SOX6: variants seen among roughly 807,000 people sequenced by gnomAD.
The protein encoded by SOX6 is transcription factor SOX-6.
In SOX6, 11 loss-of-function variants were observed where a neutral mutation model predicts 97.8. That is an observed-to-expected ratio of 0.11 (90% CI 0.07 to 0.19). The LOEUF (loss-of-function observed/expected upper bound fraction) is 0.19, where lower values mean the gene tolerates loss of function less well. SOX6 is among the 10% of genes least tolerant of loss of function. SOX6 has a pLI of 1.00. For synonymous variants in SOX6, 360 were observed against 371.4 expected, an observed-to-expected ratio of 0.97 and a Z score of 0.35; for missense variants, 810 against 1,039.5, an observed-to-expected ratio of 0.78 and a Z score of 3.04.
intron 9 of SOX6, among the ~76,000 whole-genome samples, chr11:16,086,438 A>T (rs1848579964): frequency 6.6e-6 from 1 of 152,038 alleles, no homozygotes; most frequent in Non-Finnish European, 1.5e-5. Flanking sequence ...GTTCCCGCAG[A>T]CTCCTGGCCT....
chr11:16,432,362 T>C (rs933436747), intron 1 of SOX6, among the ~76,000 whole-genome samples: 2 of 152,150 alleles, frequency 1.3e-5, no homozygotes, highest in African/African-American at 4.8e-5. Flanking sequence ...AAAGTGTAAC[T>C]ATCTCTCTTT....
At chr11:16,110,227 A>G (rs1432595232) in intron 7 of SOX6, 4 of 152,178 alleles carry the variant, frequency 2.6e-5, no homozygotes, top group African/African-American at 9.6e-5. Flanking sequence ...AGTCAAATAG[A>G]TAATTTCCAC....
chr11:16,697,985 A>G (rs1447975514), intron 3 of SOX6, among the ~76,000 whole-genome samples: 3 of 152,226 alleles, frequency 2.0e-5, no homozygotes, highest in Non-Finnish European at 4.4e-5. Context: ...ATTTAGCATA[A>G]TTCTTAAGGG....
At chr11:16,222,300 A>G (rs1440309455) in intron 4 of SOX6, among the ~76,000 whole-genome samples, 1 of 152,006 alleles carries the variant, frequency 6.6e-6, no homozygotes, top group Non-Finnish European at 1.5e-5. Context: ...GTAGCCCTGA[A>G]CCCCTGGGCT....
At chr11:16,060,573 T>G (rs1847923921) in intron 9 of SOX6, among the ~76,000 whole-genome samples, 1 of 151,988 alleles carries the variant, frequency 6.6e-6, no homozygotes. Flanking sequence ...ATGATTTTAG[T>G]ATAAATATCA....
intron 3 of SOX6, among the ~76,000 whole-genome samples, chr11:16,630,181 G>C (rs1848685627): frequency 6.6e-6 from 1 of 151,968 alleles, no homozygotes; most frequent in African/African-American, 2.4e-5. Flanking sequence ...TATAATGTTA[G>C]ATCATTAATT....
intron 4 of SOX6, among the ~76,000 whole-genome samples, chr11:16,216,056 T>C (rs1280948174): frequency 6.6e-6 from 1 of 152,212 alleles, no homozygotes; most frequent in Admixed American, 6.5e-5. Flanking sequence ...AACAAAATTA[T>C]GTCATTGTTC....
chr11:15,974,026 C>T (rs1332218115), intron 15 of SOX6, among the ~76,000 whole-genome samples: 1 of 152,200 alleles, frequency 6.6e-6, no homozygotes, highest in Non-Finnish European at 1.5e-5. Context: ...AACTCAGAGA[C>T]TATGGCGAAA....
chr11:16,715,842 G>GA (rs1002910568), intron 2 of SOX6, among the ~76,000 whole-genome samples: 31 of 150,976 alleles, frequency 2.1e-4, no homozygotes, highest in East Asian at 5.8e-4. Flanking sequence ...TAGCAAAAAA[G>GA]AAAAAAAAAT....
At chr11:16,362,117 C>A (rs2134377821) in intron 1 of SOX6, among the ~76,000 whole-genome samples, 1 of 152,234 alleles carries the variant, frequency 6.6e-6, no homozygotes, top group Non-Finnish European at 1.5e-5. Context: ...AAACAAAGCC[C>A]CTTCCCTTGT....
At chr11:15,973,155 C>G in intron 15 of SOX6, 43 bp from the exon 16 acceptor site, 1 of 1,591,864 alleles carries the variant, frequency 6.3e-7, no homozygotes, top group Non-Finnish European at 8.6e-7. Context: ...GGAGAAATAT[C>G]TATATATGTG....
At chr11:16,292,191 A>G (rs1334330766) in intron 3 of SOX6, among the ~76,000 whole-genome samples, 1 of 152,148 alleles carries the variant, frequency 6.6e-6, no homozygotes, top group African/African-American at 2.4e-5. Flanking sequence ...TGTGGGGAAA[A>G]ACAAAGAAGA....
intron 13 of SOX6, among the ~76,000 whole-genome samples, chr11:15,994,814 T>C (rs1854174176): frequency 6.6e-6 from 1 of 152,080 alleles, no homozygotes; most frequent in South Asian, 2.1e-4. Context: ...ATCAGCCCTG[T>C]CCTCCAATAG....
chr11:16,356,229 A>G lies in SOX6; in HGVS notation c.-140T>C, dbSNP rs939774852. 2.5e-4 allele frequency among the ~76,000 whole-genome samples: 38 copies of G among 152,108 alleles called. 2 individuals carry two copies. Among genetic ancestry groups the G allele is most frequent in the African/African-American group, 8.9e-4 (37 of 41,536 alleles). On this transcript the variant is annotated 5_prime_UTR_variant, in exon 1 of 16. Coordinates refer to ENST00000683767, the MANE Select transcript of SOX6 (RefSeq NM_001367873.1). ...CCTCTGACTGCCAACCAAAAAAAAA[A>G]AAAACCCAACCCCACAGCTAATTAA... is the stretch of plus-strand genomic sequence containing the variant.
At chr11:16,236,534 G>A (rs1853029686) in intron 3 of SOX6, among the ~76,000 whole-genome samples, 1 of 151,850 alleles carries the variant, frequency 6.6e-6, no homozygotes, top group South Asian at 2.1e-4. Context: ...CCTTTCATAT[G>A]TTATATCAGT....
At chr11:15,999,608 A>G (rs1854337937) in intron 13 of SOX6, among the ~76,000 whole-genome samples, 1 of 152,100 alleles carries the variant, frequency 6.6e-6, no homozygotes, top group African/African-American at 2.4e-5. Flanking sequence ...CTTTTTTTTG[A>G]AAGGTTCTTT....
intron 4 of SOX6, among the ~76,000 whole-genome samples, chr11:16,571,578 G>T (rs1283577708): frequency 6.6e-6 from 1 of 152,080 alleles, no homozygotes; most frequent in Non-Finnish European, 1.5e-5. Context: ...CTACAAGCAT[G>T]CAACACTGTA....
At chr11:15,999,637 G>GTA in intron 13 of SOX6, among the ~76,000 whole-genome samples, 1 of 152,140 alleles carries the variant, frequency 6.6e-6, no homozygotes, top group Middle Eastern at 3.4e-3. Flanking sequence ...GACCTGAAAA[G>GTA]TAGGTGACAT....
At chr11:16,293,430 A>G (rs969957215) in intron 3 of SOX6, among the ~76,000 whole-genome samples, 1 of 152,172 alleles carries the variant, frequency 6.6e-6, no homozygotes, top group African/African-American at 2.4e-5. Context: ...TTATTAAACA[A>G]CTACTGTAAA....
Sources: gnomAD v4.1 joint callset for allele counts (sites outside exome capture counted in the v4.1 genomes callset) on GRCh38, gnomAD v4.1.1 for gene constraint, MANE v1.5 for transcripts, NCBI Gene and HGNC (gene_info 2026-07-23, HGNC 2026-07-21) for gene names.